The following TTC28 variants were observed in gnomAD, a reference collection of about 807,000 sequenced individuals.
TTC28 encodes tetratricopeptide repeat domain 28.
A neutral mutation model predicts 198.0 loss-of-function variants in TTC28; 61 were observed. The observed-to-expected ratio is 0.31, with a 90% confidence interval of 0.25 to 0.38. TTC28 has a LOEUF of 0.38. Ranked by LOEUF, TTC28 falls within the 10% of genes least tolerant of loss-of-function variation. TTC28 has a pLI of 1.00. For synonymous variants in TTC28, 1,171 were observed against 1,297.8 expected, an observed-to-expected ratio of 0.90 and a Z score of 2.10; for missense variants, 2,678 against 3,164.0, an observed-to-expected ratio of 0.85 and a Z score of 3.69.
At chr22:28,002,841 G>A (rs1456114263) in intron 14 of TTC28, among the ~76,000 whole-genome samples, 8 of 152,046 alleles carry the variant, frequency 5.3e-5, no homozygotes, top group South Asian at 2.1e-4. Flanking sequence ...CAAAATAACC[G>A]GGTGTGGTGG....
intron 15 of TTC28, chr22:27,999,511 A>G (rs1937616638): frequency 3.7e-6 from 2 of 546,628 alleles, no homozygotes; most frequent in South Asian, 5.0e-5. Flanking sequence ...TCCTGAGAGG[A>G]TTGGGGGAGG....
At chr22:28,676,140 A>G (rs2051985854) in intron 1 of TTC28, among the ~76,000 whole-genome samples, 1 of 152,254 alleles carries the variant, frequency 6.6e-6, no homozygotes, top group African/African-American at 2.4e-5. Flanking sequence ...AGGAACTGAT[A>G]AAATATGGTA....
At chr22:28,045,334 G>T (rs998032330) in intron 12 of TTC28, among the ~76,000 whole-genome samples, 1 of 152,150 alleles carries the variant, frequency 6.6e-6, no homozygotes, top group African/African-American at 2.4e-5. Flanking sequence ...TCATGTTGAC[G>T]CTGTGAAAGT....
chr22:28,210,219 A>C (rs575034764), intron 5 of TTC28, among the ~76,000 whole-genome samples: 3 of 152,320 alleles, frequency 2.0e-5, no homozygotes, highest in African/African-American at 4.8e-5. Flanking sequence ...AATTCTAAAA[A>C]TCAGAGTGCC....
At chr22:28,430,031 A>G (rs2146199117) in intron 2 of TTC28, among the ~76,000 whole-genome samples, 1 of 144,432 alleles carries the variant, frequency 6.9e-6, no homozygotes, top group South Asian at 2.3e-4. Context: ...GGGCTCTGGA[A>G]TATGATTTTT....
chr22:28,078,616 A>G (rs1941240386), intron 12 of TTC28, among the ~76,000 whole-genome samples: 2 of 152,156 alleles, frequency 1.3e-5, no homozygotes, highest in African/African-American at 4.8e-5. Context: ...AGCAGTGTGA[A>G]ATATAAACAG....
At chr22:28,376,875 C>T (rs1410433182) in intron 2 of TTC28, among the ~76,000 whole-genome samples, 1 of 152,048 alleles carries the variant, frequency 6.6e-6, no homozygotes, top group Non-Finnish European at 1.5e-5. Context: ...AGAAAACTAC[C>T]CAAGGCTGAG....
rs535467016 is a variant in TTC28 at position 28,346,870 on chromosome 22, A to T, written c.382-40227T>A. Reference sequence around the variant, plus strand: ...CACAGTAACAAAGGAAGCAACTTAAATCAAAGGGGAAAAAATTGTCAAGGT... The same window carrying T: ...CACAGTAACAAAGGAAGCAACTTAATTCAAAGGGGAAAAAATTGTCAAGGT... On this transcript the variant is annotated intron_variant, in intron 2 of 22. Transcript: ENST00000397906. Among the ~76,000 whole-genome samples, 38 of 152,196 alleles carry T rather than the reference A, an allele frequency of 2.5e-4. 1 individual carries two copies. Among genetic ancestry groups the T allele is most frequent in the Admixed American group, 2.5e-3 (38 of 15,268 alleles).
At chr22:28,252,726 G>C (rs758937366) in intron 5 of TTC28, among the ~76,000 whole-genome samples, 3 of 152,194 alleles carry the variant, frequency 2.0e-5, no homozygotes, top group Non-Finnish European at 1.5e-5. Context: ...GGGGACAGGT[G>C]TGATGGTAGT....
At chr22:28,256,355 A>G (rs1449616574) in intron 5 of TTC28, among the ~76,000 whole-genome samples, 6 of 149,988 alleles carry the variant, frequency 4.0e-5, no homozygotes, top group Non-Finnish European at 8.9e-5. Context: ...CAGGAGGCAG[A>G]GGTTGCAGTG....
At chr22:28,200,589 A>G (rs1294738858) in intron 5 of TTC28, among the ~76,000 whole-genome samples, 1 of 152,136 alleles carries the variant, frequency 6.6e-6, no homozygotes, top group Non-Finnish European at 1.5e-5. Context: ...TGGGAAAGAA[A>G]AGTTTAGAAC....
At chr22:28,446,779 G>A (rs530227724) in intron 2 of TTC28, among the ~76,000 whole-genome samples, 1 of 152,100 alleles carries the variant, frequency 6.6e-6, no homozygotes, top group Non-Finnish European at 1.5e-5. Flanking sequence ...GTCCTGTATA[G>A]CAATACAAAA....
At chr22:28,325,544 GAA>G (rs2045515482) in intron 2 of TTC28, among the ~76,000 whole-genome samples, 1 of 152,094 alleles carries the variant, frequency 6.6e-6, no homozygotes, top group Non-Finnish European at 1.5e-5. Context: ...TTAAGAGAAT[GAA>G]AAGTCAAGCT....
intron 13 of TTC28, among the ~76,000 whole-genome samples, chr22:28,020,933 C>T (rs1352872996): frequency 6.6e-6 from 1 of 152,114 alleles, no homozygotes; most frequent in African/African-American, 2.4e-5. Context: ...TGGAGTCTGC[C>T]CGCCCTGCCT....
chr22:28,601,232 T>G (rs2050634643), intron 2 of TTC28, among the ~76,000 whole-genome samples: 1 of 152,196 alleles, frequency 6.6e-6, no homozygotes, highest in South Asian at 2.1e-4. Flanking sequence ...ACAGTGAATA[T>G]TCTATTAATA....
At chr22:28,360,666 C>T (rs892203098) in intron 2 of TTC28, among the ~76,000 whole-genome samples, 3 of 152,052 alleles carry the variant, frequency 2.0e-5, no homozygotes, top group Non-Finnish European at 2.9e-5. Flanking sequence ...AGCTGATATT[C>T]AAAATTGGAA....
At chr22:28,409,948 G>C (rs2047057348) in intron 2 of TTC28, among the ~76,000 whole-genome samples, 1 of 149,452 alleles carries the variant, frequency 6.7e-6, no homozygotes, top group African/African-American at 2.5e-5. Context: ...TTGAGACAGA[G>C]TCTCGCTCTA....
At chr22:28,553,644 G>A (rs746042395) in intron 2 of TTC28, among the ~76,000 whole-genome samples, 139 of 152,082 alleles carry the variant, frequency 9.1e-4, no homozygotes, top group Non-Finnish European at 1.4e-3. Flanking sequence ...CACCCCATCC[G>A]GGAGGGAGGT....
At chr22:28,413,083 G>A (rs532198256) in intron 2 of TTC28, among the ~76,000 whole-genome samples, 1 of 152,282 alleles carries the variant, frequency 6.6e-6, no homozygotes, top group South Asian at 2.1e-4. Context: ...ATTCAGGTGG[G>A]TTTCTATGAA....
Sources: allele counts gnomAD v4.1 joint callset (sites outside exome capture counted in the v4.1 genomes callset), GRCh38; gene constraint gnomAD v4.1.1; transcripts MANE v1.5; gene names NCBI Gene and HGNC (gene_info 2026-07-23, HGNC 2026-07-21).